ASB1: variants seen among roughly 807,000 people sequenced by gnomAD.
The protein encoded by ASB1 is ankyrin repeat and SOCS box containing 1.
Under a neutral mutation model 27.7 loss-of-function variants are expected in ASB1, and 18 were observed. The observed-to-expected ratio is 0.65, with a 90% CI of 0.45 to 0.96. The LOEUF (loss-of-function observed/expected upper bound fraction) is 0.96. Ranked by LOEUF, ASB1 falls within the 50% of genes least tolerant of loss-of-function variation. The pLI is 0.00. For missense variants in ASB1, 397 were observed against 451.7 expected, an observed-to-expected ratio of 0.88 and a Z score of 1.10; for synonymous variants, 189 against 187.6, an observed-to-expected ratio of 1.01 and a Z score of -0.06.
intron 1 of ASB1, among the ~76,000 whole-genome samples, chr2:238,429,699 G>A (rs1163482188): frequency 2.0e-5 from 3 of 152,132 alleles, no homozygotes; most frequent in African/African-American, 7.2e-5. Context: ...TTGGGAGGCC[G>A]AGGCAGGCAG....
At chr2:238,432,243 A>G (rs1420091464) in intron 1 of ASB1, among the ~76,000 whole-genome samples, 2 of 152,224 alleles carry the variant, frequency 1.3e-5, no homozygotes, top group African/African-American at 4.8e-5. Flanking sequence ...ATATTTTAAA[A>G]TAAACTTTAG....
rs116505976 is a variant in ASB1, at chr2:238,442,026, A to G, written c.495-2316A>G. ...CCCAATCTGATAGGTGAGAAGTGAT[A>G]TCTCAGAATAGTTTTAATTTGCATT... On this transcript the variant is annotated intron_variant, in intron 3 of 4. Coordinates refer to ENST00000264607, the MANE Select transcript of ASB1 (RefSeq NM_001040445.3). Among the ~76,000 whole-genome samples, 897 of 152,228 alleles carry G rather than the reference A, an allele frequency of 5.9e-3. 15 individuals are homozygous for G. The highest frequency in any genetic ancestry group is 0.03 in the South Asian group (145 of 4,828).
rs146379163 is a variant in ASB1 at position 238,444,401 on chromosome 2, C to T, written c.554C>T (p.Ser185Phe). 3 of 1,613,536 alleles carry T rather than the reference C, an allele frequency of 1.9e-6. No individual in the cohort carries two copies. The highest frequency in any genetic ancestry group is 2.7e-5 in the African/African-American group (2 of 74,930). ...HLTPDVQPRFSRRLTSLVVCP... is the reference protein window; with the variant it reads ...HLTPDVQPRFFRRLTSLVVCP... ...ACTCCTGATGTCCAGCCTCGATTCT[C>T]CCGGCGGCTCACCTCCTTGGTGGTC... is the stretch of plus-strand genomic sequence containing the variant. Residue 185 changes from serine to phenylalanine, a missense_variant, in exon 4 of 5, where the codon TCC becomes TTC. Transcript: ENST00000264607.
chr2:238,444,046 CT>C (rs1559415903), intron 3 of ASB1, among the ~76,000 whole-genome samples: 1 of 152,174 alleles, frequency 6.6e-6, no homozygotes, highest in African/African-American at 2.4e-5. Flanking sequence ...TTGTAAGTTT[CT>C]CTTCTTTTTC....
chr2:238,427,770 G>C (rs1360779346), intron 1 of ASB1: 1 of 152,422 alleles, frequency 6.6e-6, no homozygotes, highest in East Asian at 1.9e-4. Flanking sequence ...AAGCGGTCAG[G>C]ACAGGTTCCC....
At chr2:238,437,889 A>G (rs1234003826) in intron 3 of ASB1, among the ~76,000 whole-genome samples, 1 of 152,198 alleles carries the variant, frequency 6.6e-6, no homozygotes, top group East Asian at 1.9e-4. Context: ...TTAAATAGCT[A>G]CACAATTGGC....
At chr2:238,427,320 C>T (rs1349564718) in intron 1 of ASB1, 3 of 382,660 alleles carry the variant, frequency 7.8e-6, no homozygotes, top group African/African-American at 2.1e-5. Flanking sequence ...GCGCTGCCCT[C>T]TCCTCGGCCT....
rs971230875 is a variant in ASB1 at position 238,442,821 on chromosome 2, A to G, written c.495-1521A>G. 4.6e-5 allele frequency among the ~76,000 whole-genome samples: 7 copies of G among 152,192 alleles called. No homozygotes were observed. The East Asian group carries it at 1.3e-3, about 29-fold the overall frequency. On this transcript the variant is annotated intron_variant, in intron 3 of 4. Transcript: ENST00000264607. Reference sequence around the variant, plus strand: ...ACATCTACACCCTCCCTTGTTTGAGATACTGCCTTTATCATATATGAAATT... The same window carrying G: ...ACATCTACACCCTCCCTTGTTTGAGGTACTGCCTTTATCATATATGAAATT...
chr2:238,446,143 C>T (rs752422389), intron 4 of ASB1, among the ~76,000 whole-genome samples: 24 of 152,212 alleles, frequency 1.6e-4, no homozygotes, highest in Non-Finnish European at 2.8e-4. Context: ...CCTGGGTTAA[C>T]GAGGCTGGAA....
At chr2:238,441,138 T>A (rs1702070659) in intron 3 of ASB1, among the ~76,000 whole-genome samples, 1 of 116,506 alleles carries the variant, frequency 8.6e-6, no homozygotes, top group African/African-American at 4.3e-5. Flanking sequence ...TTGCTTTCAA[T>A]TTTTTTTTTT....
intron 3 of ASB1, among the ~76,000 whole-genome samples, chr2:238,436,438 A>G (rs1011169008): frequency 6.6e-6 from 1 of 152,134 alleles, no homozygotes; most frequent in Non-Finnish European, 1.5e-5. Context: ...TGCTCAGATA[A>G]TATGGACCAG....
Position 238,430,271 on chromosome 2 carries a change from C to T in ASB1, c.49+3152C>T, listed in dbSNP as rs115761128. Among the ~76,000 whole-genome samples the T allele has an allele frequency of 3.9e-4, 59 of 152,388 alleles. 1 individual carries two copies. The highest frequency in any genetic ancestry group is 1.7e-3 in the South Asian group (8 of 4,826). On this transcript the variant is annotated intron_variant, in intron 1 of 4. Coordinates refer to ENST00000264607, the MANE Select transcript of ASB1 (RefSeq NM_001040445.3). ...TCAGTCCTCTCTAACCCTGCTGCTGCTTAATCAACTAAGTGTATGTGGCCT... is the reference window on the plus strand; with the variant it reads ...TCAGTCCTCTCTAACCCTGCTGCTGTTTAATCAACTAAGTGTATGTGGCCT...
At chr2:238,430,490 A>G (rs180796874) in intron 1 of ASB1, among the ~76,000 whole-genome samples, 162 of 152,304 alleles carry the variant, frequency 1.1e-3, no homozygotes, top group Middle Eastern at 6.8e-3. Context: ...TCCTCCATTT[A>G]AGTCTTGAGC....
chr2:238,430,839 T>C lies in ASB1; in HGVS notation c.50-2715T>C, dbSNP rs897277627. Among the ~76,000 whole-genome samples the C allele has an allele frequency of 4.6e-5, 7 of 150,858 alleles. No homozygotes were observed. In the East Asian group the frequency reaches 1.4e-3, roughly 30 times the overall value. ...GACTAGGCATATTGTCAGCGAGCAG[T>C]AGTATTTTGAAAGGAATCTTGTGAG... On this transcript the variant is annotated intron_variant, in intron 1 of 4. Coordinates refer to ENST00000264607, the MANE Select transcript of ASB1 (RefSeq NM_001040445.3).
intron 1 of ASB1, among the ~76,000 whole-genome samples, chr2:238,429,853 G>T (rs1203464559): frequency 6.6e-6 from 1 of 151,668 alleles, no homozygotes; most frequent in Non-Finnish European, 1.5e-5. Flanking sequence ...CAGGAGAATG[G>T]CGTGAACCCG....
rs758780449 is a variant in ASB1, at chr2:238,451,914, C to G, written c.*5403C>G. The G allele has an allele frequency of 2.6e-5, 4 of 152,398 alleles. No homozygotes were observed. Among genetic ancestry groups the G allele is most frequent in the Non-Finnish European group, 5.9e-5 (4 of 68,026 alleles). 9.4% of individuals were successfully genotyped at this position (152,398 alleles called of 1,614,324 possible). On this transcript the variant is annotated 3_prime_UTR_variant, in exon 5 of 5. Transcript: ENST00000264607. ...AGGGCTCTGAAGCAGGAGTTTTCAC[C>G]TGCTCTGAGGGAACTTGGGGCTCCA...
chr2:238,443,916 G>A (rs1294117340), intron 3 of ASB1, among the ~76,000 whole-genome samples: 6 of 152,120 alleles, frequency 3.9e-5, no homozygotes, highest in Admixed American at 1.3e-4. Context: ...ATTCTCTTTG[G>A]CTAAAATTTT....
intron 3 of ASB1, among the ~76,000 whole-genome samples, chr2:238,441,003 C>T (rs994912208): frequency 8.5e-5 from 13 of 152,180 alleles, no homozygotes; most frequent in South Asian, 2.1e-4. Flanking sequence ...GTGAACGTGA[C>T]GCTGGGAGTG....
chr2:238,437,590 G>A lies in ASB1; in HGVS notation c.494+1577G>A, dbSNP rs182771304. Among the ~76,000 whole-genome samples, 4 of 150,434 alleles carry A rather than the reference G, an allele frequency of 2.7e-5. No homozygotes were observed. In the East Asian group the frequency reaches 7.8e-4, roughly 29 times the overall value. ...TTTTTTTTTCTTTTTCAACCAGATT[G>A]TTTTTATTTTTCATGTTTCTAGTGA... On this transcript the variant is annotated intron_variant, in intron 3 of 4. Transcript: ENST00000264607.
Sources: allele counts gnomAD v4.1 joint callset (sites outside exome capture counted in the v4.1 genomes callset), GRCh38; gene constraint gnomAD v4.1.1; transcripts MANE v1.5; gene names NCBI Gene and HGNC (gene_info 2026-07-23, HGNC 2026-07-21).